LPXN: variants seen among roughly 807,000 people sequenced by gnomAD.
LPXN encodes the protein leupaxin.
LPXN carries 28 observed loss-of-function variants against 45.6 expected under a neutral mutation model. The observed-to-expected ratio is 0.61, with a 90% CI of 0.45 to 0.84. LPXN has a LOEUF of 0.84. Among genes scored for constraint, LPXN ranks in the 40% least tolerant of loss-of-function variants. The probability of loss-of-function intolerance (pLI) is 0.00; values close to 1 mark genes in which losing one functional copy is unlikely to be tolerated. For synonymous variants in LPXN, 166 were observed against 169.9 expected (o/e 0.98, Z 0.18); for missense variants, 459 against 475.0 (o/e 0.97, Z 0.31).
upstream of LPXN, among the ~76,000 whole-genome samples, chr11:58,578,674 G>T (rs1005149812): frequency 6.6e-6 from 1 of 152,172 alleles, no homozygotes; most frequent in Non-Finnish European, 1.5e-5. Context: ...GCGGCCTAAA[G>T]AAGAATAGAA....
In LPXN at chr11:58,528,061, T is replaced by C. The variant is rs1016717155; in HGVS notation, c.873A>G (p.Pro291=). ...TACAGACCCCACAAACAAAGCACTC[T>C]GGGTGCCAGACAGTGTCCATGGCTG... ...YLSAMDTVWH[P]ECFVCGDCFT... The change falls in exon 8 of 9, where the codon CCA becomes CCG. Residue 291 remains proline, a synonymous_variant. Coordinates refer to ENST00000395074, the MANE Select transcript of LPXN (RefSeq NM_004811.3). 1.9e-6 allele frequency: 3 copies of C among 1,614,180 alleles called. No individual in the cohort carries two copies. The highest frequency in any genetic ancestry group is 2.2e-5 in the South Asian group (2 of 91,068).
chr11:58,535,341 T>C (rs569900619), intron 7 of LPXN, among the ~76,000 whole-genome samples: 1 of 152,332 alleles, frequency 6.6e-6, no homozygotes, highest in South Asian at 2.1e-4. Flanking sequence ...GTCAGCTTCA[T>C]ACCTGGGACG....
At position 58,548,869 on chromosome 11, in the gene LPXN, G is replaced by A. The variant is rs191267849; in HGVS notation, c.742+917C>T. On this transcript the variant is annotated intron_variant, in intron 7 of 8. Coordinates refer to ENST00000395074, the MANE Select transcript of LPXN (RefSeq NM_004811.3). The stretch of plus-strand genomic sequence containing the variant: ...TCTAGTGTAGTCAGTTTGCTACATG[G>A]CTTACTTGTGAGCAGTATTCTATGA... 1.1e-3 allele frequency among the ~76,000 whole-genome samples: 174 copies of A among 152,196 alleles called. 1 individual carries two copies. The highest frequency in any genetic ancestry group is 4.0e-3 in the African/African-American group (167 of 41,530).
chr11:58,539,620 C>G (rs1853655618), intron 7 of LPXN, among the ~76,000 whole-genome samples: 1 of 152,198 alleles, frequency 6.6e-6, no homozygotes, highest in Middle Eastern at 3.4e-3. Flanking sequence ...TTCAATAGAT[C>G]AAATTATACC....
intron 7 of LPXN, among the ~76,000 whole-genome samples, chr11:58,531,264 TA>T (rs1413302461): frequency 1.3e-5 from 2 of 152,036 alleles, no homozygotes; most frequent in African/African-American, 4.8e-5. Context: ...CCGAGCTTTA[TA>T]AAGGAGCATG....
intron 1 of LPXN, among the ~76,000 whole-genome samples, chr11:58,574,691 A>T (rs1854824550): frequency 6.6e-6 from 1 of 152,130 alleles, no homozygotes; most frequent in Admixed American, 6.5e-5. Context: ...AAGTCCAAAA[A>T]AGAGTCTGGC....
chr11:58,571,210 C>T lies in LPXN; in HGVS notation c.14-497G>A, dbSNP rs566010381. On this transcript the variant is annotated intron_variant, in intron 1 of 8. Coordinates refer to ENST00000395074, the MANE Select transcript of LPXN (RefSeq NM_004811.3). ...AAAAAGTCAGCCCAGCATGGTGATGCACACCTGTGGTCCCAGCTACTTGGG... is the reference window on the plus strand; with the variant it reads ...AAAAAGTCAGCCCAGCATGGTGATGTACACCTGTGGTCCCAGCTACTTGGG... Among the ~76,000 whole-genome samples the T allele has an allele frequency of 3.9e-4, 59 of 152,142 alleles. 1 individual carries two copies. Among genetic ancestry groups the T allele is most frequent in the Non-Finnish European group, 7.8e-4 (53 of 68,000 alleles).
intron 7 of LPXN, among the ~76,000 whole-genome samples, chr11:58,539,231 G>T (rs1412393963): frequency 6.6e-6 from 1 of 152,138 alleles, no homozygotes; most frequent in Non-Finnish European, 1.5e-5. Context: ...AATCGCTTGA[G>T]TCCAGGAGTT....
At chr11:58,551,708 T>C (rs1267502341) in intron 4 of LPXN, among the ~76,000 whole-genome samples, 1 of 152,094 alleles carries the variant, frequency 6.6e-6, no homozygotes, top group African/African-American at 2.4e-5. Flanking sequence ...ATTAAATAAA[T>C]AAATATATGT....
At chr11:58,531,960 G>C (rs1853401808) in intron 7 of LPXN, among the ~76,000 whole-genome samples, 1 of 152,266 alleles carries the variant, frequency 6.6e-6, no homozygotes, top group South Asian at 2.1e-4. Flanking sequence ...GAGAGGCACG[G>C]GCAGGAACTG....
chr11:58,533,698 A>AAATGTCCC (rs1383893202), intron 7 of LPXN, among the ~76,000 whole-genome samples: 7 of 152,234 alleles, frequency 4.6e-5, no homozygotes, highest in Admixed American at 3.9e-4. Context: ...TAAATGGACT[A>AAATGTCCC]AATGTCCCAA....
At chr11:58,535,015 AG>A (rs1325132660) in intron 7 of LPXN, among the ~76,000 whole-genome samples, 4 of 152,204 alleles carry the variant, frequency 2.6e-5, no homozygotes, top group Non-Finnish European at 5.9e-5. Context: ...TCTGAAATTG[AG>A]GCAGTAATTA....
chr11:58,562,743 T>C (rs1307663573), intron 3 of LPXN, among the ~76,000 whole-genome samples: 1 of 152,198 alleles, frequency 6.6e-6, no homozygotes, highest in Non-Finnish European at 1.5e-5. Flanking sequence ...GCAGACCTGT[T>C]GTGCTCCAGC....
intron 7 of LPXN, among the ~76,000 whole-genome samples, chr11:58,533,396 C>A (rs990303984): frequency 6.6e-6 from 1 of 152,170 alleles, no homozygotes; most frequent in Non-Finnish European, 1.5e-5. Flanking sequence ...CATTTTCAAC[C>A]CAGAATTTCA....
At chr11:58,527,799 C>T in intron 8 of LPXN, 76 bp from the exon 9 acceptor site, 1 of 1,421,296 alleles carries the variant, frequency 7.0e-7, no homozygotes, top group African/African-American at 1.4e-5. Context: ...AATTTTCAGC[C>T]TTGAAATTCC....
At chr11:58,576,779 T>C (rs146285790), upstream of LPXN, among the ~76,000 whole-genome samples, 4 of 152,174 alleles carry the variant, frequency 2.6e-5, no homozygotes, top group South Asian at 2.1e-4. Context: ...ACCGTAGCCT[T>C]CTTTACTTTT....
chr11:58,578,718 G>A (rs1420104891), upstream of LPXN, among the ~76,000 whole-genome samples: 1 of 152,106 alleles, frequency 6.6e-6, no homozygotes, highest in Non-Finnish European at 1.5e-5. Flanking sequence ...TCCTCAGGGA[G>A]GCAGGTGCGC....
chr11:58,571,870 C>T (rs1854713560), intron 1 of LPXN, among the ~76,000 whole-genome samples: 1 of 152,126 alleles, frequency 6.6e-6, no homozygotes, highest in Admixed American at 6.5e-5. Context: ...TGCTTAAGCG[C>T]ATGAATGCAG....
chr11:58,549,226 C>T (rs1486509005), intron 7 of LPXN, among the ~76,000 whole-genome samples: 3 of 151,936 alleles, frequency 2.0e-5, no homozygotes. Flanking sequence ...AAACATTGTC[C>T]CTACTAAAAA....
Sources: gnomAD v4.1 joint callset for allele counts (sites outside exome capture counted in the v4.1 genomes callset) on GRCh38, gnomAD v4.1.1 for gene constraint, MANE v1.5 for transcripts, NCBI Gene and HGNC (gene_info 2026-07-23, HGNC 2026-07-21) for gene names.